Variants in COL5A2 observed in about 807,000 individuals in gnomAD.
COL5A2 encodes collagen type V alpha 2 chain, also known as collagen alpha-2(V) chain.
In COL5A2, 23 loss-of-function variants were observed where a neutral mutation model predicts 208.2. That is an observed-to-expected ratio of 0.11 (90% CI 0.08 to 0.16). The LOEUF (loss-of-function observed/expected upper bound fraction) is 0.16. Ranked by LOEUF, COL5A2 falls within the 10% of genes least tolerant of loss-of-function variation. The pLI, the probability that COL5A2 is intolerant of heterozygous loss-of-function variation, is 1.00. For synonymous variants in COL5A2, 625 were observed against 628.5 expected (o/e 0.99, Z 0.08); for missense variants, 1,590 against 1,956.4 (o/e 0.81, Z 3.53).
the COL5A2 span, among the ~76,000 whole-genome samples, chr2:189,356,101 C>T: frequency 6.6e-6 from 1 of 152,152 alleles, no homozygotes; most frequent in Non-Finnish European, 1.5e-5. Context: ...ATACTGATCC[C>T]CACTCTCTTC....
chr2:189,071,915 C>T, intron 18 of COL5A2, 125 bp downstream of exon 18: 1 of 667,854 alleles, frequency 1.5e-6, no homozygotes, highest in South Asian at 1.9e-5. Flanking sequence ...AATGAGCATA[C>T]TCTAGGCTCT....
intron 1 of COL5A2, among the ~76,000 whole-genome samples, chr2:189,145,980 C>A (rs553374514): frequency 1.3e-5 from 2 of 152,146 alleles, no homozygotes; most frequent in East Asian, 3.9e-4. Context: ...AGTAGAATTA[C>A]ATTGAAGGCA....
the COL5A2 span, among the ~76,000 whole-genome samples, chr2:189,390,952 A>G: frequency 6.6e-6 from 1 of 152,206 alleles, no homozygotes; most frequent in Non-Finnish European, 1.5e-5. Flanking sequence ...GTGAGATGCT[A>G]AAAATACTAA....
rs896834300 is a variant in COL5A2 at position 189,032,075 on chromosome 2, T to C, written c.*1995A>G. 6.6e-6 allele frequency: 1 copy of C among 152,156 alleles called. No individual in the cohort carries two copies. The highest frequency in any genetic ancestry group is 1.9e-4 in the East Asian group (1 of 5,198). The allele number at this position is 152,156 out of a possible 1,614,324, so 9.4% of individuals were successfully genotyped here. On this transcript the variant is annotated 3_prime_UTR_variant, in exon 54 of 54. Coordinates refer to ENST00000374866, the MANE Select transcript of COL5A2 (RefSeq NM_000393.5). ...TTGGAAGTCAAACAAAACTCACACA[T>C]GTATTTAGGCATATAAATACTCAAA...
At chr2:189,159,098 C>T (rs765067519) in intron 1 of COL5A2, among the ~76,000 whole-genome samples, 2 of 152,054 alleles carry the variant, frequency 1.3e-5, no homozygotes, top group Non-Finnish European at 2.9e-5. Context: ...TTTTAACCAC[C>T]CTCAAAGAAA....
chr2:189,408,402 A>T, the COL5A2 span, among the ~76,000 whole-genome samples: 4 of 152,148 alleles, frequency 2.6e-5, no homozygotes, highest in Non-Finnish European at 5.9e-5. Context: ...GAAAGTACAT[A>T]CATGGCATTA....
chr2:189,126,440 T>A lies in COL5A2; in HGVS notation c.98-15991A>T, dbSNP rs185595026. On this transcript the variant is annotated intron_variant, in intron 1 of 53. Coordinates refer to ENST00000374866, the MANE Select transcript of COL5A2 (RefSeq NM_000393.5). ...TAAAGTTATTAAAAATAAGTTTTTT[T>A]ATTTCTTTTCATAGTGCTAAACAAG... 6.2e-3 allele frequency among the ~76,000 whole-genome samples: 946 copies of A among 152,210 alleles called. 13 individuals carry two copies. The highest frequency in any genetic ancestry group is 0.02 in the African/African-American group (824 of 41,580).
At chr2:189,241,279 A>G in the COL5A2 span, among the ~76,000 whole-genome samples, 1 of 152,158 alleles carries the variant, frequency 6.6e-6, no homozygotes, top group Admixed American at 6.5e-5. Context: ...CCTATTGGGT[A>G]CAACATTCAC....
the COL5A2 span, among the ~76,000 whole-genome samples, chr2:189,440,700 A>T: frequency 6.6e-6 from 1 of 152,228 alleles, no homozygotes; most frequent in East Asian, 1.9e-4. Context: ...ACTGGAGATA[A>T]ACTGGCAAAA....
intron 50 of COL5A2, among the ~76,000 whole-genome samples, chr2:189,040,559 G>C (rs1001804382): frequency 6.6e-6 from 1 of 152,122 alleles, no homozygotes; most frequent in Admixed American, 6.5e-5. Context: ...CAGAAGGCTG[G>C]AGTTCTACTA....
chr2:189,060,902 A>G, intron 30 of COL5A2, 119 bp from the exon 31 acceptor site: 1 of 728,460 alleles, frequency 1.4e-6, no homozygotes, highest in Non-Finnish European at 2.4e-6. Context: ...CAATGAAAAT[A>G]TATTGTTCAG....
the COL5A2 span, among the ~76,000 whole-genome samples, chr2:189,278,365 G>C: frequency 1.5e-4 from 23 of 152,204 alleles, no homozygotes; most frequent in African/African-American, 5.3e-4. Flanking sequence ...ATGGAGGATA[G>C]TGAATGGCAT....
chr2:189,065,124 A>AT, intron 23 of COL5A2, 67 bp from the exon 24 acceptor site: 1 of 1,405,832 alleles, frequency 7.1e-7, no homozygotes, highest in Non-Finnish European at 9.9e-7. Context: ...TGAATAGGTG[A>AT]TTTTTATTTT....
the COL5A2 span, among the ~76,000 whole-genome samples, chr2:189,240,431 T>C: frequency 8.3e-4 from 127 of 152,246 alleles, no homozygotes; most frequent in South Asian, 2.7e-3. Context: ...CTAACCCCAG[T>C]TACCTCCCAA....
the COL5A2 span, among the ~76,000 whole-genome samples, chr2:189,340,659 G>C: frequency 2.6e-5 from 4 of 152,146 alleles, no homozygotes; most frequent in Admixed American, 6.5e-5. Context: ...TTCCACAATA[G>C]TCCCTGGGCC....
chr2:189,349,905 G>C, the COL5A2 span, among the ~76,000 whole-genome samples: 1 of 152,038 alleles, frequency 6.6e-6, no homozygotes, highest in African/African-American at 2.4e-5. Context: ...ATATGCATTA[G>C]TAAAAAAGCT....
chr2:189,428,760 T>G, the COL5A2 span, among the ~76,000 whole-genome samples: 3 of 152,266 alleles, frequency 2.0e-5, no homozygotes, highest in Admixed American at 6.5e-5. Flanking sequence ...GCCAGAATTA[T>G]GCTTCCTGTA....
At chr2:189,314,058 A>G in the COL5A2 span, among the ~76,000 whole-genome samples, 1 of 152,142 alleles carries the variant, frequency 6.6e-6, no homozygotes, top group East Asian at 1.9e-4. Flanking sequence ...TAACAAAGAT[A>G]TTCAGGACCT....
chr2:189,119,783 C>G (rs562693994), intron 1 of COL5A2, among the ~76,000 whole-genome samples: 3 of 152,030 alleles, frequency 2.0e-5, no homozygotes, highest in South Asian at 4.2e-4. Context: ...ATGCTGAGAT[C>G]AGAGGAGAAA....
Sources: gnomAD v4.1 joint callset for allele counts (sites outside exome capture counted in the v4.1 genomes callset) on GRCh38, gnomAD v4.1.1 for gene constraint, MANE v1.5 for transcripts, NCBI Gene and HGNC (gene_info 2026-07-23, HGNC 2026-07-21) for gene names.